The following C10orf90 variants were observed in gnomAD, a reference collection of about 807,000 sequenced individuals.
C10orf90 encodes the protein chromosome 10 open reading frame 90.
Under a neutral mutation model 62.5 loss-of-function variants are expected in C10orf90, and 56 were observed. The observed-to-expected ratio is 0.90, with a 90% CI of 0.72 to 1.12. The LOEUF (loss-of-function observed/expected upper bound fraction) is 1.12. C10orf90 is among the 50% of genes most tolerant of loss of function. The pLI is 0.00. For missense variants in C10orf90, 970 were observed against 880.4 expected, an observed-to-expected ratio of 1.10 and a Z score of -1.29; for synonymous variants, 386 against 340.4, an observed-to-expected ratio of 1.13 and a Z score of -1.47.
At chr10:126,593,747 T>C (rs116137284) in intron 2 of C10orf90, among the ~76,000 whole-genome samples, 2,732 of 152,298 alleles carry the variant, frequency 0.018, 67 homozygotes, top group African/African-American at 0.06. Context: ...TTTCCTACCA[T>C]ACATTGTGTT....
chr10:126,630,908 C>T (rs1486188163), intron 2 of C10orf90, among the ~76,000 whole-genome samples: 1 of 152,216 alleles, frequency 6.6e-6, no homozygotes, highest in East Asian at 1.9e-4. Flanking sequence ...ACAGCTGCTG[C>T]AGGCCTCTGA....
intron 7 of C10orf90, among the ~76,000 whole-genome samples, chr10:126,442,497 A>ATATATATATATATATATATC (rs1168803860): frequency 9.1e-6 from 1 of 110,454 alleles, no homozygotes; most frequent in Admixed American, 9.2e-5. Context: ...ATATATATAT[A>ATATATATATATATATATATC]TATATATATA....
Position 126,456,093 on chromosome 10 carries a change from G to A in C10orf90, c.2188+2947C>T, listed in dbSNP as rs555751945. ...GACACTGTAGCCAAAGCTCGTTCAC[G>A]CATATGATTTATGAACTAATTTAGC... is the stretch of plus-strand genomic sequence containing the variant. On this transcript the variant is annotated intron_variant, in intron 7 of 9. Coordinates refer to ENST00000488181, the MANE Select transcript of C10orf90 (RefSeq NM_001350921.2). The surrounding 1 kb of genome is among the most constrained non-coding windows in gnomAD (Gnocchi z 4.9). 1.5e-4 allele frequency among the ~76,000 whole-genome samples: 23 copies of A among 152,226 alleles called. No homozygotes were observed. The highest frequency in any genetic ancestry group is 3.1e-4 in the African/African-American group (13 of 41,446).
At chr10:126,579,690 C>T (rs964099247) in intron 2 of C10orf90, among the ~76,000 whole-genome samples, 2 of 151,676 alleles carry the variant, frequency 1.3e-5, no homozygotes, top group African/African-American at 2.4e-5. Flanking sequence ...GGGGTGATCT[C>T]TTACTGAAAT....
intron 2 of C10orf90, among the ~76,000 whole-genome samples, chr10:126,554,815 C>T (rs1159188785): frequency 1.5e-4 from 23 of 152,188 alleles, no homozygotes; most frequent in Admixed American, 1.5e-3. Context: ...GCTGATTATA[C>T]TTGGGCAAGA....
chr10:126,669,478 A>G (rs565318067), intron 1 of C10orf90, among the ~76,000 whole-genome samples: 17 of 152,372 alleles, frequency 1.1e-4, no homozygotes, highest in African/African-American at 4.1e-4. Context: ...TGCATGTTAC[A>G]TCTATCAAAA....
At chr10:126,610,480 T>C (rs911334089) in intron 2 of C10orf90, among the ~76,000 whole-genome samples, 10 of 152,190 alleles carry the variant, frequency 6.6e-5, no homozygotes, top group African/African-American at 2.4e-4. Flanking sequence ...GTGTTCTCTG[T>C]CTCCTTCCAG....
At chr10:126,479,418 A>G (rs1229521068) in intron 4 of C10orf90, among the ~76,000 whole-genome samples, 1 of 152,190 alleles carries the variant, frequency 6.6e-6, no homozygotes, top group Non-Finnish European at 1.5e-5. Context: ...ATGGCATGGG[A>G]TTTCTGGTAA....
intron 7 of C10orf90, among the ~76,000 whole-genome samples, chr10:126,438,372 G>A (rs1188666325): frequency 6.6e-6 from 1 of 152,172 alleles, no homozygotes; most frequent in Non-Finnish European, 1.5e-5. Flanking sequence ...CTAAAGTAAT[G>A]TTTCCAAAGC....
intron 2 of C10orf90, among the ~76,000 whole-genome samples, chr10:126,635,192 T>A (rs11593265): frequency 0.081 from 12,405 of 152,262 alleles, 582 homozygotes; most frequent in Middle Eastern, 0.15. Flanking sequence ...GGTATGAAGG[T>A]TCTAAAAGAA....
intron 2 of C10orf90, chr10:126,524,624 G>A: frequency 1.0e-6 from 1 of 985,498 alleles, no homozygotes; most frequent in Non-Finnish European, 1.2e-6. Context: ...TATGCTGGGA[G>A]GGGTCCAGAC....
rs76274644 is a variant in C10orf90, at chr10:126,623,504, C to T, written c.313+23061G>A. On this transcript the variant is annotated intron_variant, in intron 2 of 9. Transcript: ENST00000488181. The stretch of plus-strand genomic sequence containing the variant: ...TTTCCTTTGCGGAGCTCACCAACAC[C>T]TGACAATTTCTACCTTGATCTCTCT... 2.1e-3 allele frequency among the ~76,000 whole-genome samples: 321 copies of T among 152,226 alleles called. 1 individual carries two copies. Among genetic ancestry groups the T allele is most frequent in the African/African-American group, 7.3e-3 (303 of 41,530 alleles).
At chr10:126,452,719 G>A (rs1434796645) in intron 7 of C10orf90, among the ~76,000 whole-genome samples, 2 of 152,190 alleles carry the variant, frequency 1.3e-5, no homozygotes, top group Non-Finnish European at 2.9e-5. Context: ...AAACCTCACA[G>A]TGTCTGTGAA....
intron 4 of C10orf90, among the ~76,000 whole-genome samples, chr10:126,494,669 A>C (rs903909525): frequency 6.6e-6 from 1 of 152,194 alleles, no homozygotes; most frequent in African/African-American, 2.4e-5. Flanking sequence ...CAAATGTTTC[A>C]CTCAACTGAG....
At chr10:126,571,771 G>C (rs1342118230) in intron 2 of C10orf90, among the ~76,000 whole-genome samples, 1 of 152,102 alleles carries the variant, frequency 6.6e-6, no homozygotes, top group Non-Finnish European at 1.5e-5. Flanking sequence ...AAATAACATT[G>C]TCAGAGAACA....
At chr10:126,466,283 G>A (rs906459585) in intron 4 of C10orf90, among the ~76,000 whole-genome samples, 2 of 152,102 alleles carry the variant, frequency 1.3e-5, no homozygotes, top group South Asian at 4.2e-4. Context: ...GGAGGCCGAG[G>A]CGGGTGGATC....
intron 2 of C10orf90, among the ~76,000 whole-genome samples, chr10:126,602,956 G>C (rs536165131): frequency 2.6e-5 from 4 of 151,988 alleles, no homozygotes; most frequent in Non-Finnish European, 5.9e-5. Flanking sequence ...GAGGGACAGA[G>C]TTGGGGAGAA....
chr10:126,621,885 T>C (rs568046824), intron 2 of C10orf90, among the ~76,000 whole-genome samples: 32 of 152,328 alleles, frequency 2.1e-4, no homozygotes, highest in Non-Finnish European at 3.2e-4. Flanking sequence ...CAATATTGAA[T>C]GCACTGCACT....
Position 126,429,787 on chromosome 10 carries a change from C to T in C10orf90, c.2252G>A (p.Arg751Lys). Residue 751 changes from arginine to lysine, a missense_variant and splice_region_variant, in exon 8 of 10, where the codon AGA (arginine) becomes AAA (lysine). By Grantham distance (26) the Arg-to-Lys change is conservative. Coordinates refer to ENST00000488181, the MANE Select transcript of C10orf90 (RefSeq NM_001350921.2). ...SEKEMHMRSKRIYDNLPEVKK... is the reference protein window; with the variant it reads ...SEKEMHMRSKKIYDNLPEVKK... ...TGCACACCATACAATAACCAAGTACCTCTTAGATCGCATATGCATCTCCTT... is the reference window on the plus strand; with the variant it reads ...TGCACACCATACAATAACCAAGTACTTCTTAGATCGCATATGCATCTCCTT... The T allele has an allele frequency of 6.2e-7, 1 of 1,613,954 alleles. No individual in the cohort carries two copies. The highest frequency in any genetic ancestry group is 1.6e-4 in the Middle Eastern group (1 of 6,062).
Sources: allele counts gnomAD v4.1 joint callset (sites outside exome capture counted in the v4.1 genomes callset), GRCh38; gene constraint gnomAD v4.1.1; non-coding constraint Gnocchi (gnomAD v3.1); transcripts MANE v1.5; gene names NCBI Gene and HGNC (gene_info 2026-07-23, HGNC 2026-07-21).